RNF185: variants seen among roughly 807,000 people sequenced by gnomAD.
RNF185 encodes ring finger protein 185.
RNF185 carries 13 observed loss-of-function variants against 24.9 expected under a neutral mutation model. The observed-to-expected ratio is 0.52, with a 90% confidence interval of 0.34 to 0.83. The LOEUF (loss-of-function observed/expected upper bound fraction) is 0.83. Among genes scored for constraint, RNF185 ranks in the 40% least tolerant of loss-of-function variants. RNF185 has a pLI of 0.01. For synonymous variants in RNF185, 79 were observed against 90.3 expected (o/e 0.88, Z 0.71); for missense variants, 184 against 244.7 (o/e 0.75, Z 1.65).
At chr22:31,188,863 G>A (rs1295172947) in intron 2 of RNF185, among the ~76,000 whole-genome samples, 1 of 151,174 alleles carries the variant, frequency 6.6e-6, no homozygotes, top group Admixed American at 6.6e-5. Flanking sequence ...GCTCACGCCT[G>A]TAATCCCAGC....
At chr22:31,192,298 A>AT (rs1483941866) in intron 2 of RNF185, among the ~76,000 whole-genome samples, 2 of 152,036 alleles carry the variant, frequency 1.3e-5, no homozygotes, top group Non-Finnish European at 2.9e-5. Context: ...GCCCCCATCA[A>AT]TTTTTTGCAC....
At chr22:31,190,599 T>C (rs897797802) in intron 2 of RNF185, among the ~76,000 whole-genome samples, 2 of 149,736 alleles carry the variant, frequency 1.3e-5, no homozygotes, top group African/African-American at 4.9e-5. Flanking sequence ...GTTTTTGGTT[T>C]TTTTTGAGAT....
At position 31,195,519 on chromosome 22, in the gene RNF185, C is replaced by T; in HGVS notation, c.246C>T (p.Gly82=). Residue 82 remains glycine, a synonymous_variant, in exon 4 of 7, where the codon GGC becomes GGT. Transcript: ENST00000326132. ...AGGTGTGTCCTGTTTGCAAAGCTGG[C>T]ATCAGCCGAGACAAGGTCATCCCCC... The part of the protein sequence containing the change: ...NRQVCPVCKA[G]ISRDKVIPLY... 12 of 1,611,578 alleles carry T rather than the reference C, an allele frequency of 7.4e-6. No individual in the cohort carries two copies. The highest frequency in any genetic ancestry group is 1.0e-5 in the Non-Finnish European group (12 of 1,178,930).
chr22:31,169,142 C>T (rs548529613), intron 1 of RNF185, among the ~76,000 whole-genome samples: 1 of 152,274 alleles, frequency 6.6e-6, no homozygotes, highest in Admixed American at 6.5e-5. Flanking sequence ...AACTTCTGAC[C>T]TCAAGTGATC....
chr22:31,199,542 T>C (rs2048240960), intron 5 of RNF185, among the ~76,000 whole-genome samples: 1 of 152,196 alleles, frequency 6.6e-6, no homozygotes, highest in Non-Finnish European at 1.5e-5. Context: ...TTTTGCATAC[T>C]CTGGCCCAGG....
intron 3 of RNF185, among the ~76,000 whole-genome samples, chr22:31,194,772 A>G (rs1362729873): frequency 6.6e-6 from 1 of 152,036 alleles, no homozygotes; most frequent in African/African-American, 2.4e-5. Context: ...TATGACTGAC[A>G]GGAAAATACA....
At chr22:31,187,779 C>G (rs1043227736) in intron 2 of RNF185, among the ~76,000 whole-genome samples, 2 of 152,186 alleles carry the variant, frequency 1.3e-5, no homozygotes, top group Non-Finnish European at 2.9e-5. Context: ...ATAATTGTTA[C>G]TATATTTTAT....
intron 1 of RNF185, among the ~76,000 whole-genome samples, chr22:31,164,486 C>T (rs1325321364): frequency 6.6e-6 from 1 of 151,870 alleles, no homozygotes; most frequent in African/African-American, 2.4e-5. Flanking sequence ...CCCACTGTGT[C>T]CTTTTTCTGT....
chr22:31,195,626 G>A, intron 4 of RNF185, 45 bp downstream of exon 4: 1 of 1,248,934 alleles, frequency 8.0e-7, no homozygotes, highest in Non-Finnish European at 1.1e-6. Context: ...CCCCTTGGAT[G>A]TGAATTCACT....
At chr22:31,171,674 G>T (rs1010160812) in intron 1 of RNF185, among the ~76,000 whole-genome samples, 1 of 152,116 alleles carries the variant, frequency 6.6e-6, no homozygotes, top group Non-Finnish European at 1.5e-5. Flanking sequence ...ACCTTCTGTT[G>T]AAAGAAGTGA....
intron 5 of RNF185, among the ~76,000 whole-genome samples, chr22:31,200,590 G>A (rs758273874): frequency 2.0e-5 from 3 of 152,230 alleles, no homozygotes; most frequent in African/African-American, 7.2e-5. Flanking sequence ...TTTATTCACA[G>A]TATTGTTCCT....
intron 1 of RNF185, among the ~76,000 whole-genome samples, chr22:31,164,924 T>C (rs1352266432): frequency 6.6e-6 from 1 of 151,072 alleles, no homozygotes; most frequent in African/African-American, 2.4e-5. Flanking sequence ...AATTGTTTGT[T>C]TTTGAGATGG....
rs59159444 is a variant in RNF185 at position 31,164,669 on chromosome 22, A to ACC, written c.-49+4371_-49+4372dup. Among the ~76,000 whole-genome samples, 7 of 141,828 alleles carry ACC rather than the reference A, an allele frequency of 4.9e-5. No individual in the cohort carries two copies. In the East Asian group the frequency reaches 8.0e-4, roughly 16 times the overall value. The allele number at this position is 141,828 out of a possible 152,430, so 93.0% of individuals were successfully genotyped here. A position where few individuals can be genotyped will look rare whatever the true frequency, so the allele number is the denominator to read the frequency against. ...AGTGGCATGATCTCAGCTAACTGCAACCCCCCTCCCGGGTTCAAGCGATTC... is the reference window on the plus strand; with the variant it reads ...AGTGGCATGATCTCAGCTAACTGCAACCCCCCCCTCCCGGGTTCAAGCGATTC... On this transcript the variant is annotated intron_variant, in intron 1 of 6. Coordinates refer to ENST00000326132, the MANE Select transcript of RNF185 (RefSeq NM_152267.4).
chr22:31,173,080 G>A (rs959358551), intron 1 of RNF185, among the ~76,000 whole-genome samples: 1 of 152,128 alleles, frequency 6.6e-6, no homozygotes, highest in Non-Finnish European at 1.5e-5. Flanking sequence ...GAACTGTGCT[G>A]TTGGCCCTAG....
At chr22:31,176,858 G>A (rs2047988008) in intron 1 of RNF185, among the ~76,000 whole-genome samples, 1 of 152,306 alleles carries the variant, frequency 6.6e-6, no homozygotes, top group Non-Finnish European at 1.5e-5. Flanking sequence ...CTCTGTGGAA[G>A]CATTATTTTT....
At chr22:31,162,082 A>G (rs1352329226) in intron 1 of RNF185, among the ~76,000 whole-genome samples, 2 of 152,068 alleles carry the variant, frequency 1.3e-5, no homozygotes, top group Non-Finnish European at 2.9e-5. Flanking sequence ...GTGCATTACA[A>G]AGCTCTGCCT....
At chr22:31,196,339 C>A (rs1298971320) in intron 4 of RNF185, among the ~76,000 whole-genome samples, 1 of 152,166 alleles carries the variant, frequency 6.6e-6, no homozygotes, top group Non-Finnish European at 1.5e-5. Flanking sequence ...GGCTTTATCC[C>A]CCTTGAAACC....
chr22:31,186,958 C>G, intron 1 of RNF185, 89 bp from the exon 2 acceptor site: 1 of 941,112 alleles, frequency 1.1e-6, no homozygotes, highest in South Asian at 1.6e-5. Context: ...ATAATCAGCT[C>G]TGGAGCCTAG....
At chr22:31,161,359 C>G (rs1191495961) in intron 1 of RNF185, among the ~76,000 whole-genome samples, 1 of 152,204 alleles carries the variant, frequency 6.6e-6, no homozygotes, top group Non-Finnish European at 1.5e-5. Flanking sequence ...ACTCTGCTCT[C>G]AAGGCAAATG....
Sources: allele counts gnomAD v4.1 joint callset (sites outside exome capture counted in the v4.1 genomes callset), GRCh38; gene constraint gnomAD v4.1.1; transcripts MANE v1.5; gene names NCBI Gene and HGNC (gene_info 2026-07-23, HGNC 2026-07-21).